ZNF654: variants seen among roughly 807,000 people sequenced by gnomAD.
ZNF654 encodes the protein melanoma-associated antigen.
ZNF654 carries 19 observed loss-of-function variants against 95.3 expected under a neutral mutation model. The observed-to-expected ratio is 0.20, with a 90% confidence interval of 0.14 to 0.29. The LOEUF is 0.29. ZNF654 is among the 10% of genes least tolerant of loss of function. The pLI is 1.00. For synonymous variants in ZNF654, 413 were observed against 457.9 expected, an observed-to-expected ratio of 0.90 and a Z score of 1.25; for missense variants, 1,046 against 1,341.0, an observed-to-expected ratio of 0.78 and a Z score of 3.44.
At chr3:88,072,302 A>G (rs1431270869) in intron 1 of ZNF654, among the ~76,000 whole-genome samples, 1 of 152,072 alleles carries the variant, frequency 6.6e-6, no homozygotes, top group Non-Finnish European at 1.5e-5. Context: ...CTTTCAGTTT[A>G]TTTTTTACAC....
At chr3:88,113,039 C>A in intron 2 of ZNF654, 76 bp from the exon 3 acceptor site, 3 of 974,608 alleles carry the variant, frequency 3.1e-6, no homozygotes, top group Non-Finnish European at 4.5e-6. Context: ...TATTAGATAG[C>A]TGATACTGTT....
rs1479965470 is a variant in ZNF654, at chr3:88,140,346, A to G, written c.2677A>G (p.Asn893Asp). 5.0e-6 allele frequency: 8 copies of G among 1,613,562 alleles called. No individual in the cohort carries two copies. Among genetic ancestry groups the G allele is most frequent in the Non-Finnish European group, 5.1e-6 (6 of 1,179,662 alleles). The change falls in exon 8 of 9, where the codon AAT becomes GAT. Residue 893 changes from asparagine (N) to aspartate (D), a missense_variant. Transcript: ENST00000636215. The part of the protein sequence containing the change: ...TILWDVQTDS[N>D]PNQEKDSSSN... ...TCTTTGGGATGTTCAGACAGACTCA[A>G]ATCCTAATCAGGAAAAAGACTCATC... is the stretch of plus-strand genomic sequence containing the variant.
chr3:88,119,110 C>T (rs571559685), intron 3 of ZNF654, among the ~76,000 whole-genome samples: 2,668 of 148,772 alleles, frequency 0.018, 78 homozygotes, highest in African/African-American at 0.063. Flanking sequence ...GCATTATTCA[C>T]AATAGCAAAG....
chr3:88,100,025 C>G (rs1480167853), intron 2 of ZNF654, among the ~76,000 whole-genome samples: 6 of 152,058 alleles, frequency 3.9e-5, no homozygotes, highest in African/African-American at 1.2e-4. Context: ...ACTACCATCA[C>G]AGTGAACAGG....
intron 3 of ZNF654, among the ~76,000 whole-genome samples, chr3:88,121,388 A>G (rs1410375943): frequency 6.6e-6 from 1 of 152,170 alleles, no homozygotes; most frequent in Non-Finnish European, 1.5e-5. Context: ...TGGCAACAGC[A>G]ATCATGTAAT....
At chr3:88,098,694 C>T (rs1217233899) in intron 2 of ZNF654, among the ~76,000 whole-genome samples, 3 of 152,080 alleles carry the variant, frequency 2.0e-5, no homozygotes, top group East Asian at 1.9e-4. Flanking sequence ...AATCAATAAA[C>T]GTAATCCAGC....
intron 2 of ZNF654, among the ~76,000 whole-genome samples, chr3:88,102,817 C>CTTTTTTTTTTTTTTTTTTTT (rs10701359): frequency 9.4e-6 from 1 of 106,548 alleles, no homozygotes; most frequent in African/African-American, 3.4e-5. Context: ...CCTCTACTGT[C>CTTTTTTTTTTTTTTTTTTTT]TTTTTTTTTT....
At chr3:88,073,680 G>A (rs1350505538) in intron 1 of ZNF654, among the ~76,000 whole-genome samples, 1 of 152,018 alleles carries the variant, frequency 6.6e-6, no homozygotes, top group Non-Finnish European at 1.5e-5. Context: ...ATAAATGGTG[G>A]GAGGAATAAT....
At chr3:88,110,664 C>T (rs141531864) in intron 2 of ZNF654, among the ~76,000 whole-genome samples, 1 of 152,170 alleles carries the variant, frequency 6.6e-6, no homozygotes, top group East Asian at 1.9e-4. Flanking sequence ...ATTCATTCTG[C>T]ACCCTACAGA....
At chr3:88,100,836 G>A (rs1449626243) in intron 2 of ZNF654, among the ~76,000 whole-genome samples, 2 of 152,176 alleles carry the variant, frequency 1.3e-5, no homozygotes, top group African/African-American at 4.8e-5. Flanking sequence ...GGGAGGGATA[G>A]CATCAGGAGA....
chr3:88,126,408 T>G, intron 4 of ZNF654, 139 bp downstream of exon 4: 1 of 1,025,568 alleles, frequency 9.8e-7, no homozygotes, highest in Non-Finnish European at 1.3e-6. Flanking sequence ...ACATGAAAAG[T>G]GTTTGTTTTT....
At chr3:88,129,344 A>AT (rs1321329016) in intron 5 of ZNF654, among the ~76,000 whole-genome samples, 2 of 151,002 alleles carry the variant, frequency 1.3e-5, no homozygotes, top group African/African-American at 2.4e-5. Flanking sequence ...AAAAAAAAAA[A>AT]ACCCAAGAAG....
chr3:88,120,085 C>A (rs1292141542), intron 3 of ZNF654, among the ~76,000 whole-genome samples: 1 of 146,450 alleles, frequency 6.8e-6, no homozygotes, highest in Non-Finnish European at 1.5e-5. Flanking sequence ...AAAAAAAAAT[C>A]AAATAATGTA....
intron 1 of ZNF654, among the ~76,000 whole-genome samples, chr3:88,064,253 T>A (rs1431719259): frequency 1.3e-5 from 2 of 152,204 alleles, no homozygotes; most frequent in Non-Finnish European, 2.9e-5. Flanking sequence ...AGTAATTTTT[T>A]CCCTAGTTGT....
At position 88,103,774 on chromosome 3, in the gene ZNF654, T is replaced by C. The variant is rs1197567396; in HGVS notation, c.333-9341T>C. ...AGAGATGTATTAACTTTTTTTTTTT[T>C]TTTTTTTTTTGAGATGGAGTCTTGC... is the stretch of plus-strand genomic sequence containing the variant. On this transcript the variant is annotated intron_variant, in intron 2 of 8. Coordinates refer to ENST00000636215, the MANE Select transcript of ZNF654 (RefSeq NM_001350134.2). Among the ~76,000 whole-genome samples the C allele has an allele frequency of 3.4e-5, 5 of 148,016 alleles. No individual in the cohort carries two copies. In the East Asian group the frequency reaches 7.9e-4, roughly 23 times the overall value.
At chr3:88,103,348 A>T (rs1455210413) in intron 2 of ZNF654, among the ~76,000 whole-genome samples, 1 of 152,226 alleles carries the variant, frequency 6.6e-6, no homozygotes, top group Non-Finnish European at 1.5e-5. Context: ...ACAGATGAAG[A>T]ATGGCTAAGA....
At chr3:88,068,142 T>C (rs571703215) in intron 1 of ZNF654, among the ~76,000 whole-genome samples, 4 of 152,042 alleles carry the variant, frequency 2.6e-5, no homozygotes, top group African/African-American at 7.2e-5. Context: ...GTATGTTGAA[T>C]TGACCCACAG....
At chr3:88,116,510 G>T (rs1705403201) in intron 3 of ZNF654, among the ~76,000 whole-genome samples, 1 of 151,354 alleles carries the variant, frequency 6.6e-6, no homozygotes, top group African/African-American at 2.4e-5. Context: ...GGCAACAAGA[G>T]CGAAACTCTG....
At chr3:88,063,301 A>G (rs1706993196) in intron 1 of ZNF654, among the ~76,000 whole-genome samples, 1 of 152,132 alleles carries the variant, frequency 6.6e-6, no homozygotes. Flanking sequence ...GGTACCTTTT[A>G]TGCGTAATGC....
Sources: gnomAD v4.1 joint callset for allele counts (sites outside exome capture counted in the v4.1 genomes callset) on GRCh38, gnomAD v4.1.1 for gene constraint, MANE v1.5 for transcripts, NCBI Gene and HGNC (gene_info 2026-07-23, HGNC 2026-07-21) for gene names.